Variants in MERTK observed in about 807,000 individuals in gnomAD.
MERTK encodes tyrosine-protein kinase Mer.
Under a neutral mutation model 99.3 loss-of-function variants are expected in MERTK, and 69 were observed. The observed-to-expected ratio is 0.70, with a 90% CI of 0.57 to 0.85. The LOEUF (loss-of-function observed/expected upper bound fraction) is 0.85. Among genes scored for constraint, MERTK ranks in the 40% least tolerant of loss-of-function variants. The probability of loss-of-function intolerance (pLI) is 0.00; values close to 1 mark genes in which losing one functional copy is unlikely to be tolerated. For missense variants in MERTK, 1,125 were observed against 1,249.4 expected (o/e 0.90, Z 1.50); for synonymous variants, 426 against 467.6 (o/e 0.91, Z 1.15).
intron 1 of MERTK, among the ~76,000 whole-genome samples, chr2:111,911,569 A>G (rs943462008): frequency 1.3e-5 from 2 of 150,296 alleles, no homozygotes; most frequent in African/African-American, 4.9e-5. Context: ...TTGTATTTTT[A>G]GTAAAGATGG....
chr2:111,911,681 C>A, intron 1 of MERTK, among the ~76,000 whole-genome samples: 1 of 139,730 alleles, frequency 7.2e-6, no homozygotes, highest in Non-Finnish European at 1.5e-5. Flanking sequence ...TGAGCCATAG[C>A]GCCCAGCCTT....
Position 111,975,438 on chromosome 2 carries a change from G to A in MERTK, c.1110G>A (p.Val370=). The change falls in exon 7 of 19, where the codon GTG becomes GTA. Residue 370 remains valine, a synonymous_variant. Transcript: ENST00000295408. ...TGAATGAAATAGGCTGGTCTGCAGT[G>A]AGCCCTTGGATTCTAGCCAGCACGA... The part of the protein sequence containing the change: ...SCMNEIGWSA[V]SPWILASTTE... 1.9e-6 allele frequency: 3 copies of A among 1,614,160 alleles called. No homozygotes were observed. The highest frequency in any genetic ancestry group is 1.7e-6 in the Non-Finnish European group (2 of 1,180,034).
At chr2:111,945,280 T>C (rs1365211712) in intron 3 of MERTK, among the ~76,000 whole-genome samples, 2 of 152,260 alleles carry the variant, frequency 1.3e-5, no homozygotes, top group Admixed American at 6.5e-5. Flanking sequence ...AGCTCTATTA[T>C]AGGCATTACA....
intron 1 of MERTK, among the ~76,000 whole-genome samples, chr2:111,916,277 G>A (rs1573567826): frequency 6.6e-6 from 1 of 152,220 alleles, no homozygotes; most frequent in East Asian, 1.9e-4. Flanking sequence ...ACAGGCGAGA[G>A]CCACCGCGCC....
rs576695353 is a variant in MERTK at position 111,912,065 on chromosome 2, C to T, written c.61+13269C>T. 1.8e-4 allele frequency among the ~76,000 whole-genome samples: 27 copies of T among 151,926 alleles called. No homozygotes were observed. The South Asian group carries it at 3.9e-3, about 22-fold the overall frequency. ...TCACCCCGGCTGGAGTGCAGTGGTG[C>T]GATCTCGGCTCACTGCAACCTCCAC... On this transcript the variant is annotated intron_variant, in intron 1 of 18. Coordinates refer to ENST00000295408, the MANE Select transcript of MERTK (RefSeq NM_006343.3).
At chr2:112,022,542 C>A (rs778710029) in intron 18 of MERTK, 148 bp downstream of exon 18, 81 of 1,192,364 alleles carry the variant, frequency 6.8e-5, no homozygotes, top group South Asian at 1.5e-4. Context: ...CACAGACACC[C>A]CAGCCCAGGA....
At chr2:111,924,185 T>G (rs1246534987) in intron 1 of MERTK, among the ~76,000 whole-genome samples, 2 of 152,210 alleles carry the variant, frequency 1.3e-5, no homozygotes, top group Non-Finnish European at 2.9e-5. Context: ...TAACTCATAA[T>G]AAAATGAGAA....
At chr2:111,932,928 G>T (rs1684700152) in intron 2 of MERTK, among the ~76,000 whole-genome samples, 2 of 152,244 alleles carry the variant, frequency 1.3e-5, no homozygotes, top group Admixed American at 1.3e-4. Flanking sequence ...TCAGGGAGGG[G>T]TTTGGAGTGT....
intron 18 of MERTK, chr2:112,022,642 G>T: frequency 2.7e-6 from 2 of 730,744 alleles, no homozygotes; most frequent in South Asian, 1.4e-5. Flanking sequence ...CGAACGACAG[G>T]CACGGTCAAG....
chr2:111,925,594 C>T (rs563437884), intron 1 of MERTK, among the ~76,000 whole-genome samples: 2 of 151,540 alleles, frequency 1.3e-5, no homozygotes, highest in South Asian at 2.1e-4. Flanking sequence ...TGAGCCACCG[C>T]GCCTGGCCCA....
At chr2:112,002,142 G>A (rs1192531134) in intron 11 of MERTK, among the ~76,000 whole-genome samples, 1 of 152,000 alleles carries the variant, frequency 6.6e-6, no homozygotes, top group Non-Finnish European at 1.5e-5. Flanking sequence ...TTTGCCAAGA[G>A]TTGTTGAACT....
At chr2:111,900,310 T>C (rs562148861) in intron 1 of MERTK, among the ~76,000 whole-genome samples, 2 of 152,340 alleles carry the variant, frequency 1.3e-5, no homozygotes, top group South Asian at 4.1e-4. Context: ...AACATAGCAA[T>C]TTGAAACAAA....
chr2:111,964,043 C>CTTTTTTTTTTTTTTTTTTTTTTTTTTTT lies in MERTK; in HGVS notation c.758-1136_758-1135insTTTTTTTTTTTTTTTTTTTTTTTTTTTT, dbSNP rs56693776. On this transcript the variant is annotated intron_variant, in intron 4 of 18. Coordinates refer to ENST00000295408, the MANE Select transcript of MERTK (RefSeq NM_006343.3). ...GTTTCTCCACTCAAAAATTTTCTTT[C>CTTTTTTTTTTTTTTTTTTTTTTTTTTTT]TTTTTTTTTTTTGCTCTTTCCATAA... Among the ~76,000 whole-genome samples, 17 of 103,868 alleles carry CTTTTTTTTTTTTTTTTTTTTTTTTTTTT rather than the reference C, an allele frequency of 1.6e-4. 2 individuals carry two copies. The highest frequency in any genetic ancestry group is 1.8e-4 in the Non-Finnish European group (9 of 51,284). 68.1% of individuals were successfully genotyped at this position (103,868 alleles called of 152,430 possible). A position where few individuals can be genotyped will look rare whatever the true frequency, so the allele number is the denominator to read the frequency against.
intron 4 of MERTK, among the ~76,000 whole-genome samples, chr2:111,961,321 C>G (rs969699927): frequency 1.3e-5 from 2 of 151,710 alleles, no homozygotes; most frequent in East Asian, 3.9e-4. Flanking sequence ...CCACAACGCC[C>G]GGCTAATTTT....
At chr2:111,980,709 C>A (rs557084087) in intron 7 of MERTK, among the ~76,000 whole-genome samples, 1 of 152,258 alleles carries the variant, frequency 6.6e-6, no homozygotes, top group Admixed American at 6.5e-5. Context: ...TGACCCACTG[C>A]GCCCGGCAGA....
At position 111,974,789 on chromosome 2, in the gene MERTK, A is replaced by AAC. The variant is rs1444741583; in HGVS notation, c.961-499_961-498insCA. Among the ~76,000 whole-genome samples the AAC allele has an allele frequency of 2.1e-5, 3 of 140,918 alleles. 1 individual carries two copies. The highest frequency in any genetic ancestry group is 7.5e-5 in the African/African-American group (3 of 40,268). 92.4% of individuals were successfully genotyped at this position (140,918 alleles called of 152,430 possible). A position where few individuals can be genotyped will look rare whatever the true frequency, so the allele number is the denominator to read the frequency against. On this transcript the variant is annotated intron_variant, in intron 6 of 18. Transcript: ENST00000295408. ...CATCTCAAAAAAAAAAAAAAAAAAA[A>AAC]AAAGAAAGAAAAGAAAAGAAAAGAA...
intron 2 of MERTK, among the ~76,000 whole-genome samples, chr2:111,938,457 C>G (rs1237889254): frequency 6.6e-6 from 1 of 152,012 alleles, no homozygotes; most frequent in Non-Finnish European, 1.5e-5. Context: ...TTTAAAAAGA[C>G]TCTAGAGCAT....
At chr2:111,944,533 A>ATTCCTTCAAATAATTCCTCT (rs1265922025) in intron 2 of MERTK, among the ~76,000 whole-genome samples, 1 of 151,258 alleles carries the variant, frequency 6.6e-6, no homozygotes. Flanking sequence ...TTAAGGAATT[A>ATTCCTTCAAATAATTCCTCT]GCTCACACAC....
intron 8 of MERTK, among the ~76,000 whole-genome samples, chr2:111,984,703 A>G (rs1558797073): frequency 6.6e-6 from 1 of 152,170 alleles, no homozygotes. Flanking sequence ...ATGATGACCT[A>G]GATGATTCTT....
Sources: allele counts gnomAD v4.1 joint callset (sites outside exome capture counted in the v4.1 genomes callset), GRCh38; gene constraint gnomAD v4.1.1; transcripts MANE v1.5; gene names NCBI Gene and HGNC (gene_info 2026-07-23, HGNC 2026-07-21).